The following CACNA2D1 variants were observed in gnomAD, a reference collection of about 807,000 sequenced individuals.
CACNA2D1 encodes calcium voltage-gated channel auxiliary subunit alpha2delta 1.
Under a neutral mutation model 171.5 loss-of-function variants are expected in CACNA2D1, and 53 were observed. The ratio of observed to expected loss-of-function variants is 0.31; its 90% CI spans 0.25 to 0.39. The LOEUF (loss-of-function observed/expected upper bound fraction) is 0.39. Among genes scored for constraint, CACNA2D1 ranks in the 10% least tolerant of loss-of-function variants. The pLI, the probability that CACNA2D1 is intolerant of heterozygous loss-of-function variation, is 1.00. For missense variants in CACNA2D1, 903 were observed against 1,299.8 expected, an observed-to-expected ratio of 0.69 and a Z score of 4.69; for synonymous variants, 442 against 443.1, an observed-to-expected ratio of 1.00 and a Z score of 0.03.
chr7:82,136,879 G>T (rs948575585), intron 4 of CACNA2D1, among the ~76,000 whole-genome samples: 7 of 151,898 alleles, frequency 4.6e-5, no homozygotes, highest in African/African-American at 9.7e-5. Flanking sequence ...CTTGCATTGG[G>T]AAAAAGATCC....
intron 38 of CACNA2D1, among the ~76,000 whole-genome samples, chr7:81,951,454 C>A (rs781376539): frequency 6.6e-6 from 1 of 152,034 alleles, no homozygotes; most frequent in Non-Finnish European, 1.5e-5. Flanking sequence ...GTCACCCAAG[C>A]AATGTACAAT....
At chr7:82,124,487 G>A (rs1204122190) in intron 5 of CACNA2D1, among the ~76,000 whole-genome samples, 2 of 152,032 alleles carry the variant, frequency 1.3e-5, no homozygotes, top group Non-Finnish European at 2.9e-5. Context: ...CTGACTGCAG[G>A]CCAAATCTTC....
chr7:82,126,418 G>A (rs1790342404), intron 5 of CACNA2D1, among the ~76,000 whole-genome samples: 1 of 152,132 alleles, frequency 6.6e-6, no homozygotes, highest in Non-Finnish European at 1.5e-5. Flanking sequence ...TCTCTCTTCT[G>A]TATATTTAAA....
rs1252617235 is a variant in CACNA2D1, at chr7:82,386,759, TAAATA to T, written c.96-37115_96-37111del. Among the ~76,000 whole-genome samples, 30 of 149,616 alleles carry T rather than the reference TAAATA, an allele frequency of 2.0e-4. No homozygotes were observed. The East Asian group carries it at 5.5e-3, about 27-fold the overall frequency. On this transcript the variant is annotated intron_variant, in intron 1 of 38. Coordinates refer to ENST00000356860, the MANE Select transcript of CACNA2D1 (RefSeq NM_000722.4). ...AAAAATAAATAAATAAATAAATAAATAAATAAATAAATAAATAAATAAAATAACTA... is the reference window on the plus strand; with the variant it reads ...AAAAATAAATAAATAAATAAATAAATAATAAATAAATAAATAAAATAACTA...
intron 3 of CACNA2D1, among the ~76,000 whole-genome samples, chr7:82,210,098 G>T (rs945804004): frequency 6.6e-6 from 1 of 152,022 alleles, no homozygotes; most frequent in Admixed American, 6.6e-5. Context: ...TAAAATTATG[G>T]TCCCCAACAT....
rs188875224 is a variant in CACNA2D1 at position 82,093,347 on chromosome 7, T to C, written c.527-8447A>G. Among the ~76,000 whole-genome samples, 1,231 of 152,338 alleles carry C rather than the reference T, an allele frequency of 8.1e-3. 23 individuals carry two copies. Among genetic ancestry groups the C allele is most frequent in the African/African-American group, 0.028 (1,176 of 41,572 alleles). The stretch of plus-strand genomic sequence containing the variant: ...ACCTGCTCTCATCATTAATCATCAT[T>C]ATTTTCTCTGTCTCCTAATACTCAG... On this transcript the variant is annotated intron_variant, in intron 6 of 38. Transcript: ENST00000356860.
At chr7:82,349,865 C>A (rs368336107) in intron 1 of CACNA2D1, among the ~76,000 whole-genome samples, 1 of 152,146 alleles carries the variant, frequency 6.6e-6, no homozygotes, top group African/African-American at 2.4e-5. Flanking sequence ...TGAAATGCCT[C>A]CAAATCAAAG....
chr7:82,152,646 G>A (rs1339412601), intron 4 of CACNA2D1, among the ~76,000 whole-genome samples: 3 of 151,892 alleles, frequency 2.0e-5, no homozygotes, highest in Non-Finnish European at 4.4e-5. Context: ...TGGGGAGGGG[G>A]AGAATGCTAC....
chr7:82,027,682 A>G (rs1802107668), intron 12 of CACNA2D1: 1 of 151,752 alleles, frequency 6.6e-6, no homozygotes, highest in African/African-American at 2.4e-5. Flanking sequence ...ACCCTGTATC[A>G]AGTAAGTCCA....
chr7:82,420,502 A>G (rs556701626), intron 1 of CACNA2D1, among the ~76,000 whole-genome samples: 1 of 152,250 alleles, frequency 6.6e-6, no homozygotes, highest in South Asian at 2.1e-4. Flanking sequence ...TGAAACTTGC[A>G]CTGCTTTTAA....
At chr7:82,146,346 G>T (rs1477828706) in intron 4 of CACNA2D1, among the ~76,000 whole-genome samples, 2 of 115,618 alleles carry the variant, frequency 1.7e-5, no homozygotes, top group African/African-American at 5.9e-5. Context: ...GTGTGTAGAA[G>T]AAATGATATA....
At chr7:81,992,151 A>C (rs1797616535) in intron 20 of CACNA2D1, among the ~76,000 whole-genome samples, 1 of 151,908 alleles carries the variant, frequency 6.6e-6, no homozygotes, top group African/African-American at 2.4e-5. Flanking sequence ...CCGCTGGCAC[A>C]TGTATAATTT....
intron 4 of CACNA2D1, among the ~76,000 whole-genome samples, chr7:82,161,798 T>C (rs1489598601): frequency 6.6e-6 from 1 of 152,024 alleles, no homozygotes; most frequent in Non-Finnish European, 1.5e-5. Context: ...AAAAGAGGTT[T>C]GGGTGTTATT....
At chr7:82,172,904 A>G (rs1279948306) in intron 3 of CACNA2D1, among the ~76,000 whole-genome samples, 3 of 152,034 alleles carry the variant, frequency 2.0e-5, no homozygotes, top group Non-Finnish European at 4.4e-5. Flanking sequence ...AGATTAAGAA[A>G]CATTAGAACT....
At chr7:82,114,922 G>A (rs1457560099) in intron 6 of CACNA2D1, among the ~76,000 whole-genome samples, 2 of 152,096 alleles carry the variant, frequency 1.3e-5, no homozygotes, top group Non-Finnish European at 2.9e-5. Context: ...AATGTTCATA[G>A]AGCAAAGCTA....
chr7:82,116,663 C>T (rs1228532793), intron 6 of CACNA2D1, among the ~76,000 whole-genome samples: 1 of 152,198 alleles, frequency 6.6e-6, no homozygotes, highest in African/African-American at 2.4e-5. Context: ...AATTTTCTCC[C>T]TTTACCCATT....
intron 29 of CACNA2D1, among the ~76,000 whole-genome samples, chr7:81,968,317 A>C (rs1489582115): frequency 6.6e-6 from 1 of 151,374 alleles, no homozygotes; most frequent in African/African-American, 2.4e-5. Flanking sequence ...ACTCTAGCCC[A>C]CTTCCGATCC....
intron 7 of CACNA2D1, among the ~76,000 whole-genome samples, chr7:82,066,984 A>G (rs1352560394): frequency 2.0e-5 from 3 of 152,084 alleles, no homozygotes; most frequent in Non-Finnish European, 4.4e-5. Flanking sequence ...TACTCAGTCC[A>G]TGGTAAAATA....
intron 3 of CACNA2D1, among the ~76,000 whole-genome samples, chr7:82,296,982 C>G (rs1460130592): frequency 1.4e-5 from 2 of 147,596 alleles, no homozygotes; most frequent in Non-Finnish European, 3.0e-5. Flanking sequence ...TGCCTGTAAT[C>G]TCAGCATTAT....
Sources: gnomAD v4.1 joint callset for allele counts (sites outside exome capture counted in the v4.1 genomes callset) on GRCh38, gnomAD v4.1.1 for gene constraint, MANE v1.5 for transcripts, NCBI Gene and HGNC (gene_info 2026-07-23, HGNC 2026-07-21) for gene names.